DNAI1: variants seen among roughly 807,000 people sequenced by gnomAD.
DNAI1 encodes the protein dynein, axonemal, intermediate polypeptide 1.
DNAI1 carries 67 observed loss-of-function variants against 92.0 expected under a neutral mutation model. The observed-to-expected ratio is 0.73, with a 90% confidence interval of 0.60 to 0.89. The LOEUF (loss-of-function observed/expected upper bound fraction) is 0.89, where lower values mean the gene tolerates loss of function less well. Ranked by LOEUF, DNAI1 falls within the 40% of genes least tolerant of loss-of-function variation. DNAI1 has a pLI of 0.00. For synonymous variants in DNAI1, 323 were observed against 319.6 expected, an observed-to-expected ratio of 1.01 and a Z score of -0.11; for missense variants, 839 against 866.6, an observed-to-expected ratio of 0.97 and a Z score of 0.40.
rs1825073669 is a variant in DNAI1 at position 34,512,013 on chromosome 9, A to C, written c.1312-96A>C. ...AATGGGCTCCCAGAAGTTGCTTCTGAGCCTCAGATGGGTGCTTGGGGGAGC... is the reference window on the plus strand; with the variant it reads ...AATGGGCTCCCAGAAGTTGCTTCTGCGCCTCAGATGGGTGCTTGGGGGAGC... On this transcript the variant is annotated intron_variant, in intron 13 of 19. Transcript: ENST00000242317. 1.1e-5 allele frequency: 13 copies of C among 1,157,472 alleles called. 1 individual carries two copies. In the South Asian group the frequency reaches 1.6e-4, roughly 14 times the overall value. The allele number at this position is 1,157,472 out of a possible 1,614,324, so 71.7% of individuals were successfully genotyped here.
At chr9:34,483,109 G>A (rs1486294891) in intron 1 of DNAI1, among the ~76,000 whole-genome samples, 1 of 152,228 alleles carries the variant, frequency 6.6e-6, no homozygotes, top group Admixed American at 6.5e-5. Context: ...TGGCCCGCAA[G>A]CACCGCACTC....
At chr9:34,475,973 A>G (rs937187860) in intron 1 of DNAI1, among the ~76,000 whole-genome samples, 1 of 152,210 alleles carries the variant, frequency 6.6e-6, no homozygotes, top group Non-Finnish European at 1.5e-5. Flanking sequence ...ATGCAGGTAA[A>G]TGACCAGTAG....
intron 1 of DNAI1, among the ~76,000 whole-genome samples, chr9:34,482,841 C>T (rs527338577): frequency 1.1e-4 from 16 of 152,352 alleles, no homozygotes; most frequent in Non-Finnish European, 1.5e-4. Flanking sequence ...AGGCTGGGGC[C>T]GCACAAGAGC....
At chr9:34,461,166 G>A (rs374762856) in intron 1 of DNAI1, among the ~76,000 whole-genome samples, 18 of 151,972 alleles carry the variant, frequency 1.2e-4, no homozygotes, top group African/African-American at 4.1e-4. Context: ...TAGTAGAGAC[G>A]GGGTTTCACC....
chr9:34,484,956 G>A (rs1343181865), intron 2 of DNAI1, 186 bp from the exon 3 acceptor site: 2 of 602,082 alleles, frequency 3.3e-6, no homozygotes, highest in African/African-American at 1.8e-5. Flanking sequence ...GGATCTTCCA[G>A]GCAATGAGAA....
At chr9:34,463,683 A>G (rs1204732119) in intron 1 of DNAI1, among the ~76,000 whole-genome samples, 1 of 152,220 alleles carries the variant, frequency 6.6e-6, no homozygotes, top group African/African-American at 2.4e-5. Flanking sequence ...TAAAAAAAAA[A>G]TCAAAGTCTG....
At position 34,480,556 on chromosome 9, in the gene DNAI1, C is replaced by T. The variant is rs573772165; in HGVS notation, c.49-2892C>T. 3.9e-5 allele frequency among the ~76,000 whole-genome samples: 6 copies of T among 152,140 alleles called. No individual in the cohort carries two copies. In the South Asian group the frequency reaches 8.3e-4, roughly 21 times the overall value. ...GCCTGGGATTACAGGCATGAGCCAC[C>T]GCGCCTGGCCAACTTTGTACATGAT... On this transcript the variant is annotated intron_variant, in intron 1 of 19. Coordinates refer to ENST00000242317, the MANE Select transcript of DNAI1 (RefSeq NM_012144.4).
intron 1 of DNAI1, among the ~76,000 whole-genome samples, chr9:34,476,021 T>C (rs938084938): frequency 5.3e-5 from 8 of 152,194 alleles, no homozygotes; most frequent in Non-Finnish European, 1.0e-4. Context: ...GACAGAATTT[T>C]TGTTTTCAAT....
intron 2 of DNAI1, among the ~76,000 whole-genome samples, chr9:34,483,834 T>C (rs2132056255): frequency 6.6e-6 from 1 of 152,354 alleles, no homozygotes; most frequent in East Asian, 1.9e-4. Flanking sequence ...ATAGCATCAT[T>C]TGAAATTACT....
At chr9:34,470,388 A>G (rs2132044150) in intron 1 of DNAI1, among the ~76,000 whole-genome samples, 1 of 152,332 alleles carries the variant, frequency 6.6e-6, no homozygotes, top group South Asian at 2.1e-4. Flanking sequence ...ATGTAAAAAC[A>G]TAGAATGTTT....
At chr9:34,507,129 C>T (rs1253265550) in intron 13 of DNAI1, among the ~76,000 whole-genome samples, 1 of 152,156 alleles carries the variant, frequency 6.6e-6, no homozygotes, top group Admixed American at 6.5e-5. Context: ...CTAAAGATCT[C>T]TTAGATGTGG....
chr9:34,462,801 G>A (rs1823973721), intron 1 of DNAI1, among the ~76,000 whole-genome samples: 1 of 152,136 alleles, frequency 6.6e-6, no homozygotes, highest in Admixed American at 6.5e-5. Flanking sequence ...GAGACTAAGA[G>A]ATAAAAATAT....
intron 10 of DNAI1, 69 bp from the exon 11 acceptor site, chr9:34,500,653 G>A: frequency 9.5e-7 from 1 of 1,051,340 alleles, no homozygotes; most frequent in Non-Finnish European, 1.5e-6. Flanking sequence ...GGTACAGACA[G>A]TAAGTGGTGG....
At chr9:34,484,985 T>C in intron 2 of DNAI1, 157 bp from the exon 3 acceptor site, 1 of 730,958 alleles carries the variant, frequency 1.4e-6, no homozygotes, top group Non-Finnish European at 2.4e-6. Flanking sequence ...TGAGCAGTTC[T>C]TTTGGACTCT....
At position 34,474,767 on chromosome 9, in the gene DNAI1, C is replaced by T. The variant is rs143317667; in HGVS notation, c.49-8681C>T. On this transcript the variant is annotated intron_variant, in intron 1 of 19. Transcript: ENST00000242317. Reference sequence around the variant, plus strand: ...TATTTTTAGTAGAGACAGGGTTTCACCATGTTGGTCAGGCTGGTCTCGAAC... The same window carrying T: ...TATTTTTAGTAGAGACAGGGTTTCATCATGTTGGTCAGGCTGGTCTCGAAC... Among the ~76,000 whole-genome samples the T allele has an allele frequency of 3.3e-3, 497 of 151,946 alleles. 4 individuals are homozygous for T. Among genetic ancestry groups the T allele is most frequent in the African/African-American group, 0.011 (474 of 41,416 alleles).
At chr9:34,476,887 G>A (rs566555942) in intron 1 of DNAI1, among the ~76,000 whole-genome samples, 13 of 152,172 alleles carry the variant, frequency 8.5e-5, no homozygotes, top group Non-Finnish European at 1.5e-4. Context: ...TCCTACATAA[G>A]CTTAGGGAGA....
At chr9:34,468,347 A>AC (rs573744347) in intron 1 of DNAI1, among the ~76,000 whole-genome samples, 10 of 142,006 alleles carry the variant, frequency 7.0e-5, no homozygotes, top group African/African-American at 2.3e-4. Flanking sequence ...CGCCTGGCTA[A>AC]TTTTTTTTTT....
chr9:34,516,963 A>T (rs1352542430), intron 18 of DNAI1, among the ~76,000 whole-genome samples: 1 of 149,556 alleles, frequency 6.7e-6, no homozygotes, highest in African/African-American at 2.5e-5. Context: ...CTGGTCTCAA[A>T]CTCCTGACCT....
At chr9:34,463,242 T>C (rs1043015315) in intron 1 of DNAI1, among the ~76,000 whole-genome samples, 1 of 152,178 alleles carries the variant, frequency 6.6e-6, no homozygotes, top group African/African-American at 2.4e-5. Flanking sequence ...GGGAGCCTGC[T>C]ACACATGTTC....
Sources: gnomAD v4.1 joint callset for allele counts (sites outside exome capture counted in the v4.1 genomes callset) on GRCh38, gnomAD v4.1.1 for gene constraint, MANE v1.5 for transcripts, NCBI Gene and HGNC (gene_info 2026-07-23, HGNC 2026-07-21) for gene names.